The following ANKRD28 variants were observed in gnomAD, a reference collection of about 807,000 sequenced individuals.
ANKRD28 encodes serine/threonine-protein phosphatase 6 regulatory ankyrin repeat subunit A.
ANKRD28 carries 44 observed loss-of-function variants against 126.5 expected under a neutral mutation model. The ratio of observed to expected loss-of-function variants is 0.35; its 90% confidence interval spans 0.27 to 0.45. The LOEUF is 0.45. Ranked by LOEUF, ANKRD28 falls within the 20% of genes least tolerant of loss-of-function variation. The pLI is 1.00. For missense variants in ANKRD28, 1,110 were observed against 1,316.6 expected, an observed-to-expected ratio of 0.84 and a Z score of 2.43; for synonymous variants, 442 against 468.5, an observed-to-expected ratio of 0.94 and a Z score of 0.73.
Position 15,839,304 on chromosome 3 carries a change from C to T in ANKRD28, c.27+20073G>A, listed in dbSNP as rs950618820. ...AAAAAAACACACTGATCTAACCAAT[C>T]ACCAGCTCTTTTAATCCAACTTAAA... On this transcript the variant is annotated intron_variant, in intron 1 of 27. Coordinates refer to the ANKRD28 transcript ENST00000399451. The surrounding 1 kb of genome is among the most constrained non-coding windows in gnomAD (Gnocchi z 4.3). Among the ~76,000 whole-genome samples the T allele has an allele frequency of 1.2e-4, 18 of 151,836 alleles. No homozygotes were observed. Among genetic ancestry groups the T allele is most frequent in the African/African-American group, 3.9e-4 (16 of 41,330 alleles).
intron 2 of ANKRD28, among the ~76,000 whole-genome samples, chr3:15,774,451 T>C (rs895634966): frequency 6.6e-6 from 1 of 152,138 alleles, no homozygotes; most frequent in Non-Finnish European, 1.5e-5. Flanking sequence ...ATTTAAATTA[T>C]GCTGGGACAA....
At chr3:15,690,976 T>G (rs546480613) in intron 17 of ANKRD28, among the ~76,000 whole-genome samples, 1 of 152,150 alleles carries the variant, frequency 6.6e-6, no homozygotes, top group Admixed American at 6.5e-5. Context: ...AAACTGACCA[T>G]ACCCACCCCA....
intron 1 of ANKRD28, among the ~76,000 whole-genome samples, chr3:15,834,438 G>C (rs985691050): frequency 6.6e-6 from 1 of 152,104 alleles, no homozygotes; most frequent in African/African-American, 2.4e-5. Flanking sequence ...GTACCATGTT[G>C]TGTTGGTTAC....
At chr3:15,690,478 T>C (rs1575165745) in intron 17 of ANKRD28, among the ~76,000 whole-genome samples, 2 of 152,230 alleles carry the variant, frequency 1.3e-5, no homozygotes, top group East Asian at 3.8e-4. Context: ...GAGTATACAA[T>C]GCTTGGCTCA....
intron 3 of ANKRD28, among the ~76,000 whole-genome samples, chr3:15,759,818 T>C (rs533608284): frequency 1.3e-5 from 2 of 152,284 alleles, no homozygotes; most frequent in African/African-American, 4.8e-5. Context: ...AAAAGTCATG[T>C]TTGCATGTGT....
intron 1 of ANKRD28, among the ~76,000 whole-genome samples, chr3:15,844,097 CAAAT>C (rs1487825462): frequency 6.6e-6 from 1 of 152,074 alleles, no homozygotes; most frequent in Non-Finnish European, 1.5e-5. Context: ...GGGAGACCCT[CAAAT>C]AGCCCAGAAT....
chr3:15,679,729 G>A (rs1309189058), intron 21 of ANKRD28, among the ~76,000 whole-genome samples, 166 bp from the exon 22 acceptor site: 11 of 152,224 alleles, frequency 7.2e-5, no homozygotes, highest in Non-Finnish European at 1.5e-4. Flanking sequence ...GCCACCAGTA[G>A]TTCCTGAAAA....
intron 9 of ANKRD28, 27 bp downstream of exon 9, chr3:15,714,551 C>CAAAA: frequency 1.8e-6 from 2 of 1,119,930 alleles, no homozygotes; most frequent in Non-Finnish European, 2.4e-6. Context: ...AAAAAAACCC[C>CAAAA]AAAAAAAAAA....
At chr3:15,757,609 C>T (rs1030003646) in intron 3 of ANKRD28, among the ~76,000 whole-genome samples, 3 of 152,034 alleles carry the variant, frequency 2.0e-5, no homozygotes, top group Admixed American at 6.6e-5. Flanking sequence ...AAAAGTGGCC[C>T]AAGAGCGCTC....
intron 18 of ANKRD28, among the ~76,000 whole-genome samples, chr3:15,687,849 T>TCG (rs2068320298): frequency 6.6e-6 from 1 of 152,174 alleles, no homozygotes; most frequent in African/African-American, 2.4e-5. Context: ...CAGTTCACAG[T>TCG]CGCTACTGAT....
chr3:15,675,865 A>AG, intron 27 of ANKRD28, 33 bp downstream of exon 27: 1 of 1,500,570 alleles, frequency 6.7e-7, no homozygotes. Context: ...TAAAAGCTCT[A>AG]GGTTAAGGGA....
At chr3:15,748,602 T>G (rs1345409293) in intron 4 of ANKRD28, among the ~76,000 whole-genome samples, 1 of 152,204 alleles carries the variant, frequency 6.6e-6, no homozygotes, top group Non-Finnish European at 1.5e-5. Flanking sequence ...TACCTGATGC[T>G]TTTGCCTCAC....
At chr3:15,831,169 T>C (rs1202327107) in intron 1 of ANKRD28, among the ~76,000 whole-genome samples, 1 of 152,168 alleles carries the variant, frequency 6.6e-6, no homozygotes, top group African/African-American at 2.4e-5. Flanking sequence ...CTGTGAGTCT[T>C]TCTAAGCAAA....
intron 2 of ANKRD28, among the ~76,000 whole-genome samples, chr3:15,774,026 G>T (rs1240817698): frequency 6.6e-6 from 1 of 152,082 alleles, no homozygotes; most frequent in Non-Finnish European, 1.5e-5. Flanking sequence ...ATTGATTTTT[G>T]ACTAAAGTAC....
chr3:15,847,822 T>G (rs1435701679), intron 1 of ANKRD28, among the ~76,000 whole-genome samples: 1 of 152,244 alleles, frequency 6.6e-6, no homozygotes, highest in Non-Finnish European at 1.5e-5. Context: ...TATTCTATAC[T>G]ATCTTCCAGA....
At chr3:15,712,073 T>C in intron 11 of ANKRD28, 67 bp downstream of exon 11, 1 of 1,212,076 alleles carries the variant, frequency 8.3e-7, no homozygotes, top group Non-Finnish European at 1.2e-6. Context: ...AAAAGCAGGA[T>C]AGAGACCATC....
Position 15,741,697 on chromosome 3 carries a change from C to CTTTTTTTTTTTTTTTT in ANKRD28, c.352-4480_352-4465dup, listed in dbSNP as rs58655271. On this transcript the variant is annotated intron_variant, in intron 4 of 27. Coordinates refer to ENST00000683139, the MANE Select transcript of ANKRD28 (RefSeq NM_001349278.2). ...ACCAGTTTTCCCCTTTGGTTCTATCCTTTTTTTTTTTTTTTTTTTTTTTTT... is the reference window on the plus strand; with the variant it reads ...ACCAGTTTTCCCCTTTGGTTCTATCCTTTTTTTTTTTTTTTTTTTTTTTTTTTTTTTTTTTTTTTTT... Among the ~76,000 whole-genome samples, 11 of 33,664 alleles carry CTTTTTTTTTTTTTTTT rather than the reference C, an allele frequency of 3.3e-4. 1 individual carries two copies. Among genetic ancestry groups the CTTTTTTTTTTTTTTTT allele is most frequent in the Admixed American group, 1.6e-3 (3 of 1,918 alleles). The allele number at this position is 33,664 out of a possible 152,430, so 22.1% of individuals were successfully genotyped here.
rs146505703 is a variant in ANKRD28 at position 15,715,181 on chromosome 3, C to G, written c.997-525G>C. Among the ~76,000 whole-genome samples the G allele has an allele frequency of 2.8e-4, 42 of 152,214 alleles. 1 individual carries two copies. The highest frequency in any genetic ancestry group is 2.7e-3 in the Admixed American group (41 of 15,286). ...TTCATGTAGAAGTTCTAAAGGAGTT[C>G]CAAATATGAAGAAAAACAATCCCTG... On this transcript the variant is annotated intron_variant, in intron 8 of 27. Coordinates refer to ENST00000683139, the MANE Select transcript of ANKRD28 (RefSeq NM_001349278.2).
rs1471350527 is a variant in ANKRD28 at position 15,668,484 on chromosome 3, G to A, written c.*1786C>T. 6.6e-6 allele frequency: 1 copy of A among 151,922 alleles called. No individual in the cohort carries two copies. The highest frequency in any genetic ancestry group is 1.5e-5 in the Non-Finnish European group (1 of 67,876). 9.4% of individuals were successfully genotyped at this position (151,922 alleles called of 1,614,324 possible). A position where few individuals can be genotyped will look rare whatever the true frequency, so the allele number is the denominator to read the frequency against. On this transcript the variant is annotated 3_prime_UTR_variant, in exon 28 of 28. Transcript: ENST00000683139. ...TCTTTATATTATAAAGAAAAGATGG[G>A]GGATTAGATTTATAATTTCTGTAAA...
Sources: gnomAD v4.1 joint callset for allele counts (sites outside exome capture counted in the v4.1 genomes callset) on GRCh38, gnomAD v4.1.1 for gene constraint, Gnocchi (gnomAD v3.1) non-coding constraint, MANE v1.5 for transcripts, NCBI Gene and HGNC (gene_info 2026-07-23, HGNC 2026-07-21) for gene names.